The following RIPOR2 variants were observed in gnomAD, a reference collection of about 807,000 sequenced individuals.
The protein encoded by RIPOR2 is RHO family interacting cell polarization regulator 2.
A neutral mutation model predicts 114.5 loss-of-function variants in RIPOR2; 39 were observed. The ratio of observed to expected loss-of-function variants is 0.34; its 90% CI spans 0.26 to 0.44. The LOEUF (loss-of-function observed/expected upper bound fraction) is 0.44. RIPOR2 is among the 20% of genes least tolerant of loss of function. The probability of loss-of-function intolerance (pLI) is 1.00; values close to 1 mark genes in which losing one functional copy is unlikely to be tolerated. For missense variants in RIPOR2, 1,007 were observed against 1,255.1 expected (o/e 0.80, Z 2.99); for synonymous variants, 445 against 484.4 (o/e 0.92, Z 1.07).
chr6:24,866,796 C>T (rs897303361), intron 6 of RIPOR2, among the ~76,000 whole-genome samples: 5 of 152,064 alleles, frequency 3.3e-5, no homozygotes, highest in Admixed American at 6.6e-5. Flanking sequence ...GCAAATAAAA[C>T]CTGTTGCTTT....
At chr6:24,939,319 T>G (rs1041415544), upstream of RIPOR2, among the ~76,000 whole-genome samples, 5 of 152,144 alleles carry the variant, frequency 3.3e-5, no homozygotes, top group Admixed American at 6.5e-5. Flanking sequence ...AAGAAGTGAC[T>G]AGACAAAGGA....
At chr6:24,970,025 G>T (rs9348653) in intron 1 of RIPOR2, among the ~76,000 whole-genome samples, 25,465 of 152,072 alleles carry the variant, frequency 0.17, 2,890 homozygotes, top group East Asian at 0.54. Flanking sequence ...AGCTAAGGGG[G>T]AGTGGAATTA....
intron 1 of RIPOR2, among the ~76,000 whole-genome samples, chr6:24,996,184 A>T (rs1775038721): frequency 6.6e-6 from 1 of 152,222 alleles, no homozygotes; most frequent in South Asian, 2.1e-4. Flanking sequence ...TTGTCCCTAG[A>T]CAAAGTGCAA....
rs185511120 is a variant in RIPOR2, at chr6:24,805,324, T to C, written c.*1049A>G. On this transcript the variant is annotated 3_prime_UTR_variant, in exon 22 of 22. Transcript: ENST00000643898. The stretch of plus-strand genomic sequence containing the variant: ...GTTCTTAGTCATTTACTTATCATTT[T>C]TCCATAATGGAAACATGATTTGGGA... 7.2e-5 allele frequency: 11 copies of C among 152,196 alleles called. No homozygotes were observed. Among genetic ancestry groups the C allele is most frequent in the African/African-American group, 2.6e-4 (11 of 41,534 alleles). 9.4% of individuals were successfully genotyped at this position (152,196 alleles called of 1,614,324 possible).
At chr6:24,895,291 C>T (rs768339989) in intron 1 of RIPOR2, among the ~76,000 whole-genome samples, 2 of 152,248 alleles carry the variant, frequency 1.3e-5, no homozygotes, top group African/African-American at 4.8e-5. Flanking sequence ...CCTCATGATC[C>T]GCCCGCCTTG....
intron 1 of RIPOR2, among the ~76,000 whole-genome samples, chr6:25,036,158 C>T (rs933336776): frequency 6.6e-6 from 1 of 152,084 alleles, no homozygotes; most frequent in Non-Finnish European, 1.5e-5. Flanking sequence ...GGAGAATGGC[C>T]GGCGAAGCAG....
intron 1 of RIPOR2, among the ~76,000 whole-genome samples, chr6:24,955,426 T>C (rs1772985305): frequency 6.6e-6 from 1 of 152,066 alleles, no homozygotes; most frequent in South Asian, 2.1e-4. Context: ...TCACACAATA[T>C]TAAGTTAGTT....
At chr6:24,917,775 C>T (rs971126129) in intron 1 of RIPOR2, among the ~76,000 whole-genome samples, 3 of 152,140 alleles carry the variant, frequency 2.0e-5, no homozygotes, top group Admixed American at 2.0e-4. Context: ...GTGTTCTGCC[C>T]GCATCAGCCT....
intron 1 of RIPOR2, among the ~76,000 whole-genome samples, chr6:24,942,480 A>G (rs1772187614): frequency 6.6e-6 from 1 of 152,186 alleles, no homozygotes; most frequent in Non-Finnish European, 1.5e-5. Flanking sequence ...TCCCTGAGGA[A>G]TCGCCACACT....
chr6:24,880,405 G>A (rs183878085), intron 1 of RIPOR2, among the ~76,000 whole-genome samples: 6 of 152,226 alleles, frequency 3.9e-5, no homozygotes, highest in African/African-American at 7.2e-5. Context: ...ATAAAACCAC[G>A]AACACAAATA....
intron 1 of RIPOR2, among the ~76,000 whole-genome samples, chr6:25,020,766 A>G (rs1228210516): frequency 6.6e-6 from 1 of 152,260 alleles, no homozygotes; most frequent in Non-Finnish European, 1.5e-5. Context: ...ATTCACAAAT[A>G]ATATTGTCAA....
intron 1 of RIPOR2, among the ~76,000 whole-genome samples, chr6:24,887,401 G>C (rs948227675): frequency 6.6e-6 from 1 of 152,174 alleles, no homozygotes; most frequent in African/African-American, 2.4e-5. Context: ...TGAATAAAAT[G>C]ATGATCATAC....
chr6:24,905,384 C>A (rs968419252), intron 1 of RIPOR2, among the ~76,000 whole-genome samples: 2 of 152,038 alleles, frequency 1.3e-5, no homozygotes, highest in African/African-American at 4.8e-5. Context: ...GATGACGCAT[C>A]ACCGAGACAA....
At chr6:24,874,886 T>G (rs1190275830) in intron 2 of RIPOR2, among the ~76,000 whole-genome samples, 1 of 152,206 alleles carries the variant, frequency 6.6e-6, no homozygotes, top group Admixed American at 6.5e-5. Flanking sequence ...CTTATAAAAT[T>G]TCAACATCTC....
rs1406565535 is a variant in RIPOR2, at chr6:24,805,049, T to G, written c.*1324A>C. On this transcript the variant is annotated 3_prime_UTR_variant, in exon 22 of 22. Transcript: ENST00000643898. Reference sequence around the variant, plus strand: ...TCCTTCTTTCTAATCCCACGGTCATTTTTACAGAAGGAGGGACCACTTTAA... The same window carrying G: ...TCCTTCTTTCTAATCCCACGGTCATGTTTACAGAAGGAGGGACCACTTTAA... 1 of 152,062 alleles carries G rather than the reference T, an allele frequency of 6.6e-6. No homozygotes were observed. The highest frequency in any genetic ancestry group is 2.4e-5 in the African/African-American group (1 of 41,390). The allele number at this position is 152,062 out of a possible 1,614,324, so 9.4% of individuals were successfully genotyped here. A position where few individuals can be genotyped will look rare whatever the true frequency, so the allele number is the denominator to read the frequency against.
At chr6:24,847,802 T>C (rs1762467395) in intron 12 of RIPOR2, 1 of 1,204,068 alleles carries the variant, frequency 8.3e-7, no homozygotes, top group Non-Finnish European at 1.1e-6. Flanking sequence ...ATTATTTATA[T>C]GCACTTCTTT....
chr6:24,857,687 C>T (rs1200617618), intron 8 of RIPOR2, among the ~76,000 whole-genome samples: 1 of 152,204 alleles, frequency 6.6e-6, no homozygotes, highest in Non-Finnish European at 1.5e-5. Flanking sequence ...TGCAAGTTTA[C>T]TAGCTCAATG....
At position 25,037,651 on chromosome 6, in the gene RIPOR2, A is replaced by T. The variant is rs566339874; in HGVS notation, c.76+4200T>A. Among the ~76,000 whole-genome samples, 35 of 152,206 alleles carry T rather than the reference A, an allele frequency of 2.3e-4. No individual in the cohort carries two copies. The East Asian group carries it at 4.6e-3, about 20-fold the overall frequency. Reference sequence around the variant, plus strand: ...ATACCTTGGTTTGATTATTATTATTATTTTTTTACTACACTGCTATGGACT... The same window carrying T: ...ATACCTTGGTTTGATTATTATTATTTTTTTTTTACTACACTGCTATGGACT... On this transcript the variant is annotated intron_variant, in intron 1 of 13. Coordinates refer to the RIPOR2 transcript ENST00000510784. The surrounding 1 kb of genome is among the most constrained non-coding windows in gnomAD (Gnocchi z 4.5).
rs754116794 is a variant in RIPOR2 at position 24,826,687 on chromosome 6, C to A, written c.2666-1259G>T. Among the ~76,000 whole-genome samples the A allele has an allele frequency of 1.6e-4, 24 of 152,084 alleles. No individual in the cohort carries two copies. In the Middle Eastern group the frequency reaches 0.01, roughly 65 times the overall value. ...AAATACATTAGTATACATTCAAATG[C>A]GGAACTATTAATCTCATAACTAATA... is the stretch of plus-strand genomic sequence containing the variant. On this transcript the variant is annotated intron_variant, in intron 18 of 21. Transcript: ENST00000643898.
Sources: gnomAD v4.1 joint callset for allele counts (sites outside exome capture counted in the v4.1 genomes callset) on GRCh38, gnomAD v4.1.1 for gene constraint, Gnocchi (gnomAD v3.1) non-coding constraint, MANE v1.5 for transcripts, NCBI Gene and HGNC (gene_info 2026-07-23, HGNC 2026-07-21) for gene names.